The following ZBTB11 variants were observed in gnomAD, a reference collection of about 807,000 sequenced individuals.
ZBTB11 encodes zinc finger and BTB domain-containing protein 11.
A neutral mutation model predicts 113.1 loss-of-function variants in ZBTB11; 68 were observed. The ratio of observed to expected loss-of-function variants is 0.60; its 90% CI spans 0.49 to 0.74. The LOEUF is 0.74. ZBTB11 is among the 30% of genes least tolerant of loss of function. The pLI is 0.00. For synonymous variants in ZBTB11, 518 were observed against 452.6 expected (o/e 1.14, Z -1.83); for missense variants, 1,104 against 1,279.4 (o/e 0.86, Z 2.09).
chr3:101,656,334 AT>A, intron 6 of ZBTB11, 86 bp from the exon 7 acceptor site: 1 of 751,864 alleles, frequency 1.3e-6, no homozygotes, highest in Non-Finnish European at 1.8e-6. Flanking sequence ...TGAATATATT[AT>A]TTTAAATAAA....
intron 3 of ZBTB11, among the ~76,000 whole-genome samples, chr3:101,666,285 A>G (rs1576650148): frequency 1.3e-5 from 2 of 152,240 alleles, no homozygotes; most frequent in African/African-American, 4.8e-5. Context: ...AAGTAAAAAA[A>G]CAATACCTAA....
chr3:101,675,573 C>T (rs1179518566), intron 1 of ZBTB11, among the ~76,000 whole-genome samples: 1 of 152,202 alleles, frequency 6.6e-6, no homozygotes, highest in Non-Finnish European at 1.5e-5. Context: ...CTAATTCTGA[C>T]AGTTTGAATA....
chr3:101,663,621 T>G (rs1936929877), intron 5 of ZBTB11, among the ~76,000 whole-genome samples: 1 of 152,140 alleles, frequency 6.6e-6, no homozygotes, highest in African/African-American at 2.4e-5. Flanking sequence ...CCGGGTGTGG[T>G]AGCTCACACC....
Position 101,677,047 on chromosome 3 carries a change from C to G in ZBTB11, c.-133G>C. On this transcript the variant is annotated 5_prime_UTR_variant, in exon 1 of 11. Coordinates refer to ENST00000312938, the MANE Select transcript of ZBTB11 (RefSeq NM_014415.4). ...TGCGCCTTTGGCGAGCGCTCTTCGACGGCTCCCTTAGTCCGAAGGAAAAGC... is the reference window on the plus strand; with the variant it reads ...TGCGCCTTTGGCGAGCGCTCTTCGAGGGCTCCCTTAGTCCGAAGGAAAAGC... The G allele has an allele frequency of 9.8e-7, 1 of 1,017,244 alleles. No homozygotes were observed. The highest frequency in any genetic ancestry group is 2.9e-5 in the East Asian group (1 of 34,850). The allele number at this position is 1,017,244 out of a possible 1,614,324, so 63.0% of individuals were successfully genotyped here.
chr3:101,673,347 T>C (rs1345550824), intron 1 of ZBTB11, among the ~76,000 whole-genome samples: 2 of 152,194 alleles, frequency 1.3e-5, no homozygotes, highest in Admixed American at 1.3e-4. Flanking sequence ...ATTTTCGGTA[T>C]ATTATTCTAC....
At chr3:101,672,341 G>C in intron 1 of ZBTB11, 128 bp from the exon 2 acceptor site, 1 of 603,114 alleles carries the variant, frequency 1.7e-6, no homozygotes, top group East Asian at 3.0e-5. Flanking sequence ...AAAATATGTA[G>C]AGTTTATTAG....
At chr3:101,658,765 G>A (rs1202951941) in intron 6 of ZBTB11, among the ~76,000 whole-genome samples, 1 of 152,102 alleles carries the variant, frequency 6.6e-6, no homozygotes, top group Non-Finnish European at 1.5e-5. Context: ...AGTTGGGGGT[G>A]AGGCATAAAA....
chr3:101,667,242 G>A (rs1937012566), intron 3 of ZBTB11, among the ~76,000 whole-genome samples: 1 of 152,140 alleles, frequency 6.6e-6, no homozygotes, highest in African/African-American at 2.4e-5. Flanking sequence ...GTCTCCCCAT[G>A]TTGTCTCAGC....
chr3:101,661,764 G>A (rs554884920), intron 5 of ZBTB11, among the ~76,000 whole-genome samples: 11 of 152,044 alleles, frequency 7.2e-5, no homozygotes, highest in African/African-American at 2.2e-4. Context: ...GGCATTCAGC[G>A]TACTCCTTTA....
At chr3:101,661,984 TA>T (rs1325184581) in intron 5 of ZBTB11, 2 of 152,054 alleles carry the variant, frequency 1.3e-5, no homozygotes, top group African/African-American at 4.8e-5. Flanking sequence ...TATGGTATTA[TA>T]TATTTTATTC....
chr3:101,652,664 T>C lies in ZBTB11; in HGVS notation c.2476A>G (p.Ile826Val), dbSNP rs560838924. ...TTTTCATAAAATTCTTTGCCACATATATTACACCTAAAATAGGGGAAAAGA... is the reference window on the plus strand; with the variant it reads ...TTTTCATAAAATTCTTTGCCACATACATTACACCTAAAATAGGGGAAAAGA... ...HSVTEPYRCN[I>V]CGKEFYEKAL... Residue 826 changes from isoleucine to valine, a missense_variant, in exon 10 of 11, where the codon ATA (isoleucine) becomes GTA (valine). This residue lies in a region of ZBTB11 where 148 missense variants were observed against 259.3 expected (regional missense o/e 0.57). Coordinates refer to ENST00000312938, the MANE Select transcript of ZBTB11 (RefSeq NM_014415.4). 1 of 1,613,586 alleles carries C rather than the reference T, an allele frequency of 6.2e-7. No individual in the cohort carries two copies. The highest frequency in any genetic ancestry group is 1.7e-5 in the Admixed American group (1 of 59,892).
intron 3 of ZBTB11, among the ~76,000 whole-genome samples, chr3:101,669,031 T>TA (rs1367946187): frequency 1.5e-5 from 2 of 136,522 alleles, no homozygotes; most frequent in Non-Finnish European, 3.3e-5. Flanking sequence ...ACACTTATGA[T>TA]AAAATTTTTT....
Position 101,665,714 on chromosome 3 carries a change from T to C in ZBTB11, c.873A>G (p.Leu291=). ...CTTCTGACATGAAAAGATGACGAGC[T>C]AAGATGGCTACATCAGCCATGCTAC... ...DFCSMADVAI[L]ARHLFMSEVL... The change falls in exon 4 of 11, where the codon TTA becomes TTG. Residue 291 remains leucine (L), a synonymous_variant. Transcript: ENST00000312938. The C allele has an allele frequency of 6.2e-7, 1 of 1,614,150 alleles. No homozygotes were observed. The highest frequency in any genetic ancestry group is 8.5e-7 in the Non-Finnish European group (1 of 1,180,034).
intron 8 of ZBTB11, among the ~76,000 whole-genome samples, chr3:101,654,233 G>GT (rs1936754975): frequency 6.6e-6 from 1 of 152,244 alleles, no homozygotes; most frequent in East Asian, 1.9e-4. Flanking sequence ...TAGAGATGGG[G>GT]TTTTGCCACG....
At chr3:101,664,889 T>C (rs889307906) in intron 4 of ZBTB11, 75 bp downstream of exon 4, 1 of 1,529,782 alleles carries the variant, frequency 6.5e-7, no homozygotes, top group South Asian at 1.3e-5. Flanking sequence ...ATTTTCATTA[T>C]AGCCATAAGT....
rs1936987711 is a variant in ZBTB11, at chr3:101,665,783, A to G, written c.804T>C (p.Pro268=). 2.5e-6 allele frequency: 4 copies of G among 1,604,684 alleles called. No homozygotes were observed. Among genetic ancestry groups the G allele is most frequent in the African/African-American group, 1.3e-5 (1 of 74,310 alleles). Residue 268 remains proline (P), a synonymous_variant, in exon 4 of 11, where the codon CCT becomes CCC. Transcript: ENST00000312938. ...CAGAAGTATAGGCAAATTCCAGTAA[A>G]GGAAGGAAGCTGGCCTTACAAAAAC... The part of the protein sequence containing the change: ...LSGFCKASFL[P]LLEFAYTSVL...
Position 101,659,222 on chromosome 3 carries a change from T to C in ZBTB11, c.2046+561A>G, listed in dbSNP as rs539685974. Among the ~76,000 whole-genome samples, 10 of 152,286 alleles carry C rather than the reference T, an allele frequency of 6.6e-5. No homozygotes were observed. The East Asian group carries it at 1.3e-3, about 21-fold the overall frequency. On this transcript the variant is annotated intron_variant, in intron 6 of 10. Coordinates refer to ENST00000312938, the MANE Select transcript of ZBTB11 (RefSeq NM_014415.4). Reference sequence around the variant, plus strand: ...TGCTACTACATTCCAGCCTGAGAGATAGAACAAGACCTTGTCTCAAAACAG... The same window carrying C: ...TGCTACTACATTCCAGCCTGAGAGACAGAACAAGACCTTGTCTCAAAACAG...
intron 1 of ZBTB11, among the ~76,000 whole-genome samples, chr3:101,673,728 T>C (rs1054099470): frequency 6.6e-6 from 1 of 152,202 alleles, no homozygotes; most frequent in Non-Finnish European, 1.5e-5. Context: ...TTTGCCAGGC[T>C]GGTCTCAAAC....
At chr3:101,668,517 T>C (rs1335649105) in intron 3 of ZBTB11, among the ~76,000 whole-genome samples, 1 of 151,174 alleles carries the variant, frequency 6.6e-6, no homozygotes, top group Non-Finnish European at 1.5e-5. Flanking sequence ...TGGTCCCACC[T>C]ACACGGGAGG....
Sources: gnomAD v4.1 joint callset for allele counts (sites outside exome capture counted in the v4.1 genomes callset) on GRCh38, gnomAD v4.1.1 for gene constraint, gnomAD v4.1.1 regional missense constraint, MANE v1.5 for transcripts, NCBI Gene and HGNC (gene_info 2026-07-23, HGNC 2026-07-21) for gene names.